C8B: variants seen among roughly 807,000 people sequenced by gnomAD.
C8B encodes the protein complement C8 beta chain.
In C8B, 67 loss-of-function variants were observed where a neutral mutation model predicts 64.6. That is an observed-to-expected ratio of 1.04 (90% confidence interval 0.85 to 1.27). C8B has a LOEUF of 1.27. C8B is among the 50% of genes most tolerant of loss of function. The probability of loss-of-function intolerance (pLI) is 0.00; values close to 1 mark genes in which losing one functional copy is unlikely to be tolerated. For synonymous variants in C8B, 284 were observed against 257.7 expected (o/e 1.10, Z -0.98); for missense variants, 790 against 725.2 (o/e 1.09, Z -1.03).
At chr1:56,940,726 T>G in intron 9 of C8B, 123 bp downstream of exon 9, 1 of 1,007,966 alleles carries the variant, frequency 9.9e-7, no homozygotes, top group Non-Finnish European at 1.6e-6. Flanking sequence ...TACTATCGTA[T>G]ATGTGTCCCA....
At chr1:56,951,644 C>T (rs890357054) in intron 5 of C8B, among the ~76,000 whole-genome samples, 1 of 152,182 alleles carries the variant, frequency 6.6e-6, no homozygotes, top group Non-Finnish European at 1.5e-5. Flanking sequence ...GTGCTAAATA[C>T]TTACACACAT....
intron 10 of C8B, among the ~76,000 whole-genome samples, chr1:56,932,323 A>T (rs993013689): frequency 2.6e-5 from 4 of 152,188 alleles, no homozygotes; most frequent in African/African-American, 9.7e-5. Context: ...GTGATGCCCT[A>T]TGTGAATTTG....
Position 56,943,788 on chromosome 1 carries a change from T to C in C8B, c.1142A>G (p.Asn381Ser), listed in dbSNP as rs1457397105. ...TLNNVHACAK[N>S]DFKIGGAIEE... Reference sequence around the variant, plus strand: ...AATGGCACCACCAATTTTAAAATCATTTTTGGCACAGGCATGGACGTTGTT... The same window carrying C: ...AATGGCACCACCAATTTTAAAATCACTTTTGGCACAGGCATGGACGTTGTT... The change falls in exon 8 of 12, where the codon AAT becomes AGT. Residue 381 changes from asparagine (N) to serine (S), a missense_variant. Transcript: ENST00000371237. The C allele has an allele frequency of 8.1e-6, 13 of 1,613,892 alleles. No individual in the cohort carries two copies. The East Asian group carries it at 8.9e-5, about 11-fold the overall frequency.
In C8B at chr1:56,949,753, C is replaced by G. The variant is rs200785263; in HGVS notation, c.667-1G>C. 1 of 1,607,868 alleles carries G rather than the reference C, an allele frequency of 6.2e-7. No individual in the cohort carries two copies. The highest frequency in any genetic ancestry group is 8.5e-7 in the Non-Finnish European group (1 of 1,175,964). Reference sequence around the variant, plus strand: ...ATATGAATTCGTATTTGCCTTGGGTCTAAAGAAGAAAAAAGAAAGGGTTTT... The same window carrying G: ...ATATGAATTCGTATTTGCCTTGGGTGTAAAGAAGAAAAAAGAAAGGGTTTT... On this transcript the variant is annotated splice_acceptor_variant, in intron 5 of 11. Transcript: ENST00000371237. LOFTEE classifies it high-confidence loss of function.
intron 11 of C8B, 62 bp from the exon 12 acceptor site, chr1:56,929,620 G>T: frequency 6.5e-7 from 1 of 1,542,842 alleles, no homozygotes; most frequent in Non-Finnish European, 9.0e-7. Context: ...GCCTTACTGG[G>T]GTTGGGTGAG....
Position 56,965,396 on chromosome 1 carries a change from A to T in C8B, c.92+461T>A, listed in dbSNP as rs61767008. On this transcript the variant is annotated intron_variant, in intron 1 of 11. Coordinates refer to ENST00000371237, the MANE Select transcript of C8B (RefSeq NM_000066.4). ...TGGGGGGTGAGAGAGAGAGAGAGAG[A>T]GAGTGTGTGTGTGTGTGTGTGTGTG... 9.7e-3 allele frequency among the ~76,000 whole-genome samples: 814 copies of T among 84,144 alleles called. 14 individuals are homozygous for T. The East Asian group carries it at 0.1, about 11-fold the overall frequency. 55.2% of individuals were successfully genotyped at this position (84,144 alleles called of 152,430 possible). A position where few individuals can be genotyped will look rare whatever the true frequency, so the allele number is the denominator to read the frequency against.
At chr1:56,963,775 G>C (rs1645212790) in intron 1 of C8B, 1 of 718,420 alleles carries the variant, frequency 1.4e-6, no homozygotes, top group Non-Finnish European at 1.7e-6. Context: ...CACTTACCTG[G>C]AATAGCTGTG....
At chr1:56,934,651 T>C (rs1311851172) in intron 9 of C8B, among the ~76,000 whole-genome samples, 1 of 152,156 alleles carries the variant, frequency 6.6e-6, no homozygotes, top group Non-Finnish European at 1.5e-5. Flanking sequence ...CTTCCATTTC[T>C]TAATGCATCT....
chr1:56,936,195 T>C (rs890430045), intron 9 of C8B, among the ~76,000 whole-genome samples: 2 of 152,246 alleles, frequency 1.3e-5, no homozygotes, highest in Non-Finnish European at 2.9e-5. Flanking sequence ...GATGAAAAGC[T>C]ATAAGCATTT....
chr1:56,939,139 T>C (rs1215941808), intron 9 of C8B, among the ~76,000 whole-genome samples: 1 of 152,192 alleles, frequency 6.6e-6, no homozygotes, highest in East Asian at 1.9e-4. Flanking sequence ...GTTCTCAGTT[T>C]TTTAAAAAAG....
At position 56,960,161 on chromosome 1, in the gene C8B, A is replaced by G. The variant is rs199852869; in HGVS notation, c.108T>C (p.His36=). Residue 36 remains histidine, a synonymous_variant, in exon 2 of 12, where the codon CAT becomes CAC. Coordinates refer to ENST00000371237, the MANE Select transcript of C8B (RefSeq NM_000066.4). ...SLPGSRGERP[H]SFGSNAVNKS... ...TGTTGACTGCATTTGACCCAAAGGA[A>G]TGTGGCCTTTCACCTCTAAAAGTCA... 1.5e-4 allele frequency: 236 copies of G among 1,614,182 alleles called. No individual in the cohort carries two copies. Among genetic ancestry groups the G allele is most frequent in the Middle Eastern group, 9.9e-4 (6 of 6,062 alleles).
intron 9 of C8B, among the ~76,000 whole-genome samples, chr1:56,940,391 C>A (rs915818830): frequency 6.6e-6 from 1 of 151,200 alleles, no homozygotes; most frequent in Non-Finnish European, 1.5e-5. Flanking sequence ...ATAGCAAGAC[C>A]CCATTTCTAA....
At chr1:56,939,659 A>T (rs953126610) in intron 9 of C8B, among the ~76,000 whole-genome samples, 2 of 152,180 alleles carry the variant, frequency 1.3e-5, no homozygotes, top group Admixed American at 6.5e-5. Flanking sequence ...TCTAACAAAC[A>T]TCTTTTTAGT....
chr1:56,935,812 C>T (rs550365592), intron 9 of C8B, among the ~76,000 whole-genome samples: 3 of 152,218 alleles, frequency 2.0e-5, no homozygotes, highest in Non-Finnish European at 4.4e-5. Context: ...TGGTCTGTTT[C>T]CTTTCAGTGT....
chr1:56,964,097 T>C (rs1645217351), intron 1 of C8B: 1 of 606,036 alleles, frequency 1.7e-6, no homozygotes, highest in African/African-American at 2.0e-5. Context: ...CGTGAATCTT[T>C]TCTTGTCACT....
intron 1 of C8B, among the ~76,000 whole-genome samples, chr1:56,963,600 G>T (rs1212238772): frequency 6.9e-6 from 1 of 144,598 alleles, no homozygotes; most frequent in African/African-American, 2.5e-5. Context: ...GGGGGGTGGG[G>T]AGGGGACAAC....
At chr1:56,961,305 T>C (rs879572727) in intron 1 of C8B, among the ~76,000 whole-genome samples, 1 of 152,238 alleles carries the variant, frequency 6.6e-6, no homozygotes, top group Non-Finnish European at 1.5e-5. Context: ...GGAGGTTTGC[T>C]GAGCACCTAT....
At chr1:56,963,597 G>A (rs927211) in intron 1 of C8B, among the ~76,000 whole-genome samples, 40,799 of 138,766 alleles carry the variant, frequency 0.29, 6,633 homozygotes, top group South Asian at 0.56. Flanking sequence ...GGTGGGGGGT[G>A]GGGAGGGGAC....
chr1:56,933,819 G>A (rs1454017137), intron 9 of C8B, among the ~76,000 whole-genome samples: 6 of 152,196 alleles, frequency 3.9e-5, no homozygotes, highest in Non-Finnish European at 1.5e-5. Flanking sequence ...ACCACATGGT[G>A]GATACAGGCA....
Sources: allele counts gnomAD v4.1 joint callset (sites outside exome capture counted in the v4.1 genomes callset), GRCh38; gene constraint gnomAD v4.1.1; transcripts MANE v1.5; gene names NCBI Gene and HGNC (gene_info 2026-07-23, HGNC 2026-07-21).